Variants in LIN52 observed in about 807,000 individuals in gnomAD.
LIN52 encodes the protein lin-52 DREAM MuvB core complex component.
A neutral mutation model predicts 18.5 loss-of-function variants in LIN52; 4 were observed. That is an observed-to-expected ratio of 0.22 (90% CI 0.11 to 0.49). The LOEUF is 0.49. Ranked by LOEUF, LIN52 falls within the 20% of genes least tolerant of loss-of-function variation. LIN52 has a pLI of 0.97. For missense variants in LIN52, 102 were observed against 139.5 expected, an observed-to-expected ratio of 0.73 and a Z score of 1.35; for synonymous variants, 34 against 45.5, an observed-to-expected ratio of 0.75 and a Z score of 1.02.
At chr14:74,166,381 A>ATTCC (rs2061249980) in intron 5 of LIN52, among the ~76,000 whole-genome samples, 1 of 150,692 alleles carries the variant, frequency 6.6e-6, no homozygotes, top group Admixed American at 6.6e-5. Flanking sequence ...CACGCTGGCT[A>ATTCC]ATTTTGCATT....
At chr14:74,099,608 G>GTA (rs1270655584) in intron 4 of LIN52, among the ~76,000 whole-genome samples, 1 of 151,560 alleles carries the variant, frequency 6.6e-6, no homozygotes, top group Admixed American at 6.6e-5. Context: ...GTGTGTGTGT[G>GTA]TATGTGTGTG....
intron 5 of LIN52, among the ~76,000 whole-genome samples, chr14:74,191,637 CT>C (rs535302894): frequency 0.012 from 1,773 of 142,216 alleles, 8 homozygotes; most frequent in Middle Eastern, 0.03. Flanking sequence ...TTCTTTCTTT[CT>C]TTTTTTTTTT....
In LIN52 at chr14:74,176,463, A is replaced by G. The variant is rs372221609; in HGVS notation, c.284-22459A>G. On this transcript the variant is annotated intron_variant, in intron 5 of 5. Transcript: ENST00000555028. Reference sequence around the variant, plus strand: ...AGAAGTACTTTCTAAAATAATGACAAAAAGTATAATAAATACATAAACCAG... The same window carrying G: ...AGAAGTACTTTCTAAAATAATGACAGAAAGTATAATAAATACATAAACCAG... 1.4e-4 allele frequency among the ~76,000 whole-genome samples: 22 copies of G among 152,256 alleles called. No homozygotes were observed. In the South Asian group the frequency reaches 4.6e-3, roughly 32 times the overall value.
intron 1 of LIN52, among the ~76,000 whole-genome samples, chr14:74,086,665 GA>G (rs1251731964): frequency 6.7e-6 from 1 of 148,340 alleles, no homozygotes; most frequent in African/African-American, 2.4e-5. Flanking sequence ...AGAAAAAAAA[GA>G]AGGAAAAAAA....
intron 5 of LIN52, among the ~76,000 whole-genome samples, chr14:74,175,101 T>G (rs1232166385): frequency 6.6e-6 from 1 of 151,600 alleles, no homozygotes; most frequent in African/African-American, 2.4e-5. Context: ...GAAGTTGTTC[T>G]GGGTTAGTCA....
intron 5 of LIN52, among the ~76,000 whole-genome samples, chr14:74,110,727 T>G (rs2060921130): frequency 6.7e-6 from 1 of 149,546 alleles, no homozygotes; most frequent in East Asian, 2.0e-4. Flanking sequence ...CACTTTGGGA[T>G]GCCAAGGCAG....
At chr14:74,104,310 T>C (rs1434607931) in intron 5 of LIN52, among the ~76,000 whole-genome samples, 1 of 152,236 alleles carries the variant, frequency 6.6e-6, no homozygotes, top group Non-Finnish European at 1.5e-5. Context: ...ATTTCTGTAG[T>C]TGACTCATAA....
At chr14:74,097,965 C>A in intron 4 of LIN52, 105 bp downstream of exon 4, 1 of 790,758 alleles carries the variant, frequency 1.3e-6, no homozygotes, top group Admixed American at 2.4e-5. Context: ...TGGCTTCAGA[C>A]TTCTCATTTA....
rs191564422 is a variant in LIN52, at chr14:74,192,677, A to G, written c.284-6245A>G. On this transcript the variant is annotated intron_variant, in intron 5 of 5. Transcript: ENST00000555028. The stretch of plus-strand genomic sequence containing the variant: ...AGAGGCATACACCACTTGGTAGACT[A>G]ATGAAAGCTCGTTGTGAACAACAGT... The G allele has an allele frequency of 4.3e-5, 11 of 254,798 alleles. No individual in the cohort carries two copies. The East Asian group carries it at 1.4e-3, about 33-fold the overall frequency. 15.8% of individuals were successfully genotyped at this position (254,798 alleles called of 1,614,324 possible).
chr14:74,089,073 G>A (rs1037007372), intron 1 of LIN52, among the ~76,000 whole-genome samples: 11 of 152,108 alleles, frequency 7.2e-5, no homozygotes, highest in African/African-American at 2.7e-4. Flanking sequence ...TTCCGGGGGT[G>A]TGAAGGGGAA....
chr14:74,099,772 T>TG (rs2060841371), intron 4 of LIN52, among the ~76,000 whole-genome samples: 2 of 152,112 alleles, frequency 1.3e-5, no homozygotes, highest in Non-Finnish European at 2.9e-5. Flanking sequence ...GCTGTCCTCT[T>TG]GCACTGAGTC....
chr14:74,193,487 AAACC>A (rs1216848074), intron 5 of LIN52, among the ~76,000 whole-genome samples: 1 of 152,180 alleles, frequency 6.6e-6, no homozygotes. Context: ...TGTCATTCTA[AAACC>A]AACCAGTTTT....
chr14:74,163,790 T>C (rs1350496120), intron 5 of LIN52, among the ~76,000 whole-genome samples: 1 of 152,126 alleles, frequency 6.6e-6, no homozygotes, highest in African/African-American at 2.4e-5. Flanking sequence ...CTTCAAAGGC[T>C]GAAGATTGGT....
At chr14:74,115,350 CT>C (rs199828208) in intron 5 of LIN52, among the ~76,000 whole-genome samples, 3 of 151,660 alleles carry the variant, frequency 2.0e-5, no homozygotes, top group Non-Finnish European at 4.4e-5. Flanking sequence ...TGAAGGCGAA[CT>C]TTTTTTTTCC....
intron 5 of LIN52, among the ~76,000 whole-genome samples, chr14:74,114,731 A>G (rs991632684): frequency 2.0e-5 from 3 of 152,206 alleles, no homozygotes; most frequent in Admixed American, 2.0e-4. Context: ...TATCTAGTTC[A>G]GTCATATTAC....
intron 1 of LIN52, among the ~76,000 whole-genome samples, chr14:74,086,995 TTTTAGTTTATTTTTAAATTG>T (rs1429915564): frequency 6.6e-6 from 1 of 152,212 alleles, no homozygotes; most frequent in Non-Finnish European, 1.5e-5. Flanking sequence ...TTATTAAACT[TTTTAGTTTATTTTTAAATTG>T]TTTTTACAAA....
At chr14:74,122,802 G>T (rs2061007426) in intron 5 of LIN52, among the ~76,000 whole-genome samples, 2 of 152,178 alleles carry the variant, frequency 1.3e-5, no homozygotes, top group African/African-American at 4.8e-5. Context: ...GGAGGCAGAG[G>T]TTGCAGTGAG....
At chr14:74,105,578 A>AT (rs11330179) in intron 5 of LIN52, among the ~76,000 whole-genome samples, 43 of 147,726 alleles carry the variant, frequency 2.9e-4, no homozygotes, top group South Asian at 4.3e-4. Context: ...TAAAAACAAG[A>AT]TTTTTTTTTT....
intron 5 of LIN52, among the ~76,000 whole-genome samples, chr14:74,188,419 A>T (rs2061349561): frequency 1.3e-5 from 2 of 152,130 alleles, no homozygotes; most frequent in South Asian, 4.2e-4. Flanking sequence ...TGGATTTTAT[A>T]ATTTCATGAG....
Sources: gnomAD v4.1 joint callset for allele counts (sites outside exome capture counted in the v4.1 genomes callset) on GRCh38, gnomAD v4.1.1 for gene constraint, MANE v1.5 for transcripts, NCBI Gene and HGNC (gene_info 2026-07-23, HGNC 2026-07-21) for gene names.